Variants in RIN3 observed in about 807,000 individuals in gnomAD.
RIN3 encodes Ras and Rab interactor 3, also known as RAB5 interacting protein 3.
Under a neutral mutation model 76.3 loss-of-function variants are expected in RIN3, and 54 were observed. The ratio of observed to expected loss-of-function variants is 0.71; its 90% CI spans 0.57 to 0.89. The LOEUF (loss-of-function observed/expected upper bound fraction) is 0.89. Among genes scored for constraint, RIN3 ranks in the 40% least tolerant of loss-of-function variants. RIN3 has a pLI of 0.00. For missense variants in RIN3, 1,256 were observed against 1,322.1 expected (o/e 0.95, Z 0.78); for synonymous variants, 576 against 564.0 (o/e 1.02, Z -0.30).
At chr14:92,657,072 G>C (rs1566890843) in intron 6 of RIN3, among the ~76,000 whole-genome samples, 1 of 152,186 alleles carries the variant, frequency 6.6e-6, no homozygotes, top group Non-Finnish European at 1.5e-5. Flanking sequence ...AAAAAGGCCA[G>C]ACAGGGCGGG....
At chr14:92,592,074 A>G (rs1370491591) in intron 3 of RIN3, among the ~76,000 whole-genome samples, 1 of 152,132 alleles carries the variant, frequency 6.6e-6, no homozygotes, top group Non-Finnish European at 1.5e-5. Flanking sequence ...AATACAAGGA[A>G]TGGGAGGAAG....
At chr14:92,593,197 A>G (rs972993458) in intron 3 of RIN3, among the ~76,000 whole-genome samples, 1 of 152,230 alleles carries the variant, frequency 6.6e-6, no homozygotes, top group Admixed American at 6.5e-5. Context: ...AGAAAATAGA[A>G]TCATATAAAA....
intron 3 of RIN3, among the ~76,000 whole-genome samples, chr14:92,611,109 A>G (rs1363503599): frequency 6.6e-6 from 1 of 152,188 alleles, no homozygotes; most frequent in Non-Finnish European, 1.5e-5. Flanking sequence ...CAAGGCGTGG[A>G]CAGGCTTGGT....
In RIN3 at chr14:92,665,934, G is replaced by A. The variant is rs572938916; in HGVS notation, c.2335+6465G>A. Among the ~76,000 whole-genome samples the A allele has an allele frequency of 3.9e-5, 6 of 152,004 alleles. No individual in the cohort carries two copies. The South Asian group carries it at 1.3e-3, about 32-fold the overall frequency. ...GATCCGGGCAGCTGTGTAGTCTATG[G>A]CCTTGCTACCCGAGGTGTGGTATGC... is the stretch of plus-strand genomic sequence containing the variant. On this transcript the variant is annotated intron_variant, in intron 7 of 9. Transcript: ENST00000216487.
chr14:92,520,863 A>G (rs896626757), intron 1 of RIN3, among the ~76,000 whole-genome samples: 1 of 152,204 alleles, frequency 6.6e-6, no homozygotes, highest in African/African-American at 2.4e-5. Context: ...ATCTCAGTCA[A>G]TGTCAGAGAT....
intron 3 of RIN3, among the ~76,000 whole-genome samples, chr14:92,595,809 C>T (rs1182459767): frequency 6.6e-6 from 1 of 152,210 alleles, no homozygotes; most frequent in Non-Finnish European, 1.5e-5. Context: ...CCCAGATGTC[C>T]CAAGCACCTG....
At chr14:92,554,749 T>C (rs1456061293) in intron 1 of RIN3, among the ~76,000 whole-genome samples, 2 of 152,124 alleles carry the variant, frequency 1.3e-5, no homozygotes, top group East Asian at 3.9e-4. Context: ...GGTGAAACCC[T>C]GTCTCTACTA....
At chr14:92,527,774 T>G (rs1896781497) in intron 1 of RIN3, among the ~76,000 whole-genome samples, 1 of 152,158 alleles carries the variant, frequency 6.6e-6, no homozygotes, top group South Asian at 2.1e-4. Context: ...TGTGCCTGGC[T>G]TTTTCTCAGC....
intron 7 of RIN3, among the ~76,000 whole-genome samples, chr14:92,672,625 A>G (rs1421045376): frequency 1.3e-5 from 2 of 151,784 alleles, no homozygotes; most frequent in Non-Finnish European, 2.9e-5. Context: ...CAAGAAACTC[A>G]ACCACAAAGA....
intron 7 of RIN3, among the ~76,000 whole-genome samples, chr14:92,666,928 G>A (rs1176987827): frequency 2.0e-5 from 3 of 152,176 alleles, no homozygotes; most frequent in Non-Finnish European, 4.4e-5. Context: ...AACAGGGCCT[G>A]GCTCCTAACC....
intron 2 of RIN3, among the ~76,000 whole-genome samples, chr14:92,564,774 C>G (rs1035252635): frequency 1.3e-5 from 2 of 152,120 alleles, no homozygotes; most frequent in African/African-American, 4.8e-5. Context: ...TTCTGAGGGT[C>G]CCTAATGCAA....
Position 92,632,524 on chromosome 14 carries a change from G to A in RIN3, c.441-8714G>A, listed in dbSNP as rs117687470. ...AAGGGCTCAAAAAACGATCAAGCATGTTCTTATTGCTGTTATAGATAAAGA... is the reference window on the plus strand; with the variant it reads ...AAGGGCTCAAAAAACGATCAAGCATATTCTTATTGCTGTTATAGATAAAGA... On this transcript the variant is annotated intron_variant, in intron 4 of 9. Coordinates refer to ENST00000216487, the MANE Select transcript of RIN3 (RefSeq NM_024832.5). 7.2e-4 allele frequency among the ~76,000 whole-genome samples: 110 copies of A among 152,328 alleles called. No individual in the cohort carries two copies. In the East Asian group the frequency reaches 8.1e-3, roughly 11 times the overall value.
At chr14:92,651,181 T>G (rs149449097) in intron 5 of RIN3, among the ~76,000 whole-genome samples, 1 of 152,190 alleles carries the variant, frequency 6.6e-6, no homozygotes, top group East Asian at 1.9e-4. Context: ...ACCCAGCTGG[T>G]TGGCCGCAGG....
At chr14:92,558,887 CTTTTT>C (rs61202055) in intron 2 of RIN3, among the ~76,000 whole-genome samples, 1 of 130,764 alleles carries the variant, frequency 7.6e-6, no homozygotes, top group Non-Finnish European at 1.6e-5. Context: ...CTTTTCTTTT[CTTTTT>C]TTTTTTTTTT....
intron 1 of RIN3, chr14:92,515,117 C>G (rs1250902269): frequency 1.6e-6 from 1 of 638,888 alleles, no homozygotes; most frequent in Non-Finnish European, 2.8e-6. Context: ...TTAAGCTCAT[C>G]TAGATCTGAA....
Position 92,513,996 on chromosome 14 carries a change from C to G in RIN3, c.44+20C>G, listed in dbSNP as rs926401553. Reference sequence around the variant, plus strand: ...CACGGGGTAAGTCCGGGCGGCCGCCCCCTCCTCCCTCGCGATCCCCACGGC... The same window carrying G: ...CACGGGGTAAGTCCGGGCGGCCGCCGCCTCCTCCCTCGCGATCCCCACGGC... On this transcript the variant is annotated intron_variant, in intron 1 of 9. Coordinates refer to ENST00000216487, the MANE Select transcript of RIN3 (RefSeq NM_024832.5). 3 of 1,232,112 alleles carry G rather than the reference C, an allele frequency of 2.4e-6. No homozygotes were observed. The African/African-American group carries it at 4.7e-5, about 19-fold the overall frequency. 76.3% of individuals were successfully genotyped at this position (1,232,112 alleles called of 1,614,324 possible). A position where few individuals can be genotyped will look rare whatever the true frequency, so the allele number is the denominator to read the frequency against.
chr14:92,544,414 T>G (rs1595401746), intron 1 of RIN3, among the ~76,000 whole-genome samples: 5 of 74,542 alleles, frequency 6.7e-5, no homozygotes, highest in South Asian at 5.3e-4. Context: ...GTGACAGCTG[T>G]GGGGGGGGGG....
chr14:92,652,254 C>T lies in RIN3; in HGVS notation c.1205C>T (p.Pro402Leu), dbSNP rs201160657. 1.4e-4 allele frequency: 228 copies of T among 1,610,874 alleles called. 1 individual carries two copies. The Admixed American group carries it at 1.6e-3, about 11-fold the overall frequency. ...AGGGTGTCCTTAGAAGACCAAAGTC[C>T]GGGGATGGCGGCAGAGGGGGACCAG... Reference protein sequence around the residue: ...SERVSLEDQSPGMAAEGDQLS... With the variant: ...SERVSLEDQSLGMAAEGDQLS... The change falls in exon 6 of 10, where the codon CCG (proline) becomes CTG (leucine). Residue 402 changes from proline to leucine, a missense_variant. Pro to Leu is a moderately conservative substitution (Grantham distance 98, BLOSUM62 -3). This residue lies in a region of RIN3 where 610 missense variants were observed against 626.4 expected (regional missense o/e 0.97). Transcript: ENST00000216487. The surrounding 1 kb of genome is among the most constrained non-coding windows in gnomAD (Gnocchi z 6.4).
intron 3 of RIN3, among the ~76,000 whole-genome samples, chr14:92,610,143 C>A (rs530338081): frequency 1.9e-3 from 288 of 152,244 alleles, no homozygotes; most frequent in African/African-American, 6.6e-3. Context: ...CAGTTAAGAA[C>A]ATTTCATCAC....
Sources: gnomAD v4.1 joint callset for allele counts (sites outside exome capture counted in the v4.1 genomes callset) on GRCh38, gnomAD v4.1.1 for gene constraint, gnomAD v4.1.1 regional missense constraint, Gnocchi (gnomAD v3.1) non-coding constraint, MANE v1.5 for transcripts, NCBI Gene and HGNC (gene_info 2026-07-23, HGNC 2026-07-21) for gene names.